VPS50: variants seen among roughly 807,000 people sequenced by gnomAD.
The protein encoded by VPS50 is syndetin.
In VPS50, 70 loss-of-function variants were observed where a neutral mutation model predicts 139.7. The observed-to-expected ratio is 0.50, with a 90% confidence interval of 0.41 to 0.61. The LOEUF (loss-of-function observed/expected upper bound fraction) is 0.61. Among genes scored for constraint, VPS50 ranks in the 20% least tolerant of loss-of-function variants. The probability of loss-of-function intolerance (pLI) is 0.00; values close to 1 mark genes in which losing one functional copy is unlikely to be tolerated. For missense variants in VPS50, 921 were observed against 1,133.7 expected (o/e 0.81, Z 2.69); for synonymous variants, 365 against 376.7 (o/e 0.97, Z 0.36).
rs528830541 is a variant in VPS50 at position 93,264,897 on chromosome 7, G to C, written c.659+5265G>C. On this transcript the variant is annotated intron_variant, in intron 9 of 27. Coordinates refer to ENST00000305866, the MANE Select transcript of VPS50 (RefSeq NM_017667.4). ...TTGTCTAGATCCTGAGTGCTTGTTGGTTGGTCAGCTTGGACCAAGTTTTGA... is the reference window on the plus strand; with the variant it reads ...TTGTCTAGATCCTGAGTGCTTGTTGCTTGGTCAGCTTGGACCAAGTTTTGA... 4.6e-5 allele frequency among the ~76,000 whole-genome samples: 7 copies of C among 152,258 alleles called. No individual in the cohort carries two copies. In the South Asian group the frequency reaches 1.5e-3, roughly 32 times the overall value.
rs921952694 is a variant in VPS50, at chr7:93,305,774, G to C, written c.1453-54G>C. The C allele has an allele frequency of 3.1e-6, 4 of 1,309,082 alleles. No homozygotes were observed. The African/African-American group carries it at 5.9e-5, about 19-fold the overall frequency. 81.1% of individuals were successfully genotyped at this position (1,309,082 alleles called of 1,614,324 possible). ...ATGTATATTGAGGGATTCGGTTTAT[G>C]TACTAGAATTTTATTGTTGCTAAAG... On this transcript the variant is annotated intron_variant, in intron 17 of 27. Coordinates refer to ENST00000305866, the MANE Select transcript of VPS50 (RefSeq NM_017667.4).
chr7:93,312,409 C>T (rs1797295718), intron 20 of VPS50, among the ~76,000 whole-genome samples: 1 of 152,132 alleles, frequency 6.6e-6, no homozygotes, highest in Non-Finnish European at 1.5e-5. Context: ...GTCTCTCATA[C>T]ATGGTAGCTG....
rs1798510030 is a variant in VPS50, at chr7:93,349,918, T to C, written c.2348T>C (p.Ile783Thr). The C allele has an allele frequency of 6.2e-7, 1 of 1,613,616 alleles. No individual in the cohort carries two copies. The highest frequency in any genetic ancestry group is 8.5e-7 in the Non-Finnish European group (1 of 1,179,654). ...GAACTACGGAAACCAATTTACTGGA[T>C]TGTAGCTGGTAAAGCCCTTGATTAT... is the stretch of plus-strand genomic sequence containing the variant. ...ASELRKPIYW[I>T]VAGKALDYEQ... is the part of the protein sequence containing the mutation. The change falls in exon 25 of 28, where the codon ATT (isoleucine) becomes ACT (threonine). Residue 783 changes from isoleucine to threonine, a missense_variant. Around this residue, in one of 3 missense-constraint regions of VPS50, gnomAD observed 744 missense variants for 930.6 expected, o/e 0.80. Coordinates refer to ENST00000305866, the MANE Select transcript of VPS50 (RefSeq NM_017667.4).
In VPS50 at chr7:93,303,469, C is replaced by T. The variant is rs1244755257; in HGVS notation, c.1371C>T (p.Leu457=). 14 of 1,553,736 alleles carry T rather than the reference C, an allele frequency of 9.0e-6. No homozygotes were observed. Among genetic ancestry groups the T allele is most frequent in the Admixed American group, 3.4e-5 (2 of 58,216 alleles). ...NYFKNYHRTR[L]DELRMFLENE... ...ATTTTCTTTTTTTAAGAACACGGCT[C>T]GATGAACTGAGAATGTTCTTAGAGA... Residue 457 remains leucine, a synonymous_variant, in exon 17 of 28, where the codon CTC becomes CTT. Coordinates refer to ENST00000305866, the MANE Select transcript of VPS50 (RefSeq NM_017667.4).
chr7:93,288,284 G>C (rs944345788), intron 12 of VPS50, among the ~76,000 whole-genome samples: 1 of 152,070 alleles, frequency 6.6e-6, no homozygotes, highest in Non-Finnish European at 1.5e-5. Flanking sequence ...TAAGGGTAGC[G>C]ATTATAGAAG....
intron 12 of VPS50, among the ~76,000 whole-genome samples, chr7:93,284,670 C>T (rs1026087348): frequency 2.6e-5 from 4 of 152,178 alleles, no homozygotes; most frequent in African/African-American, 4.8e-5. Context: ...TTGCTAAAAG[C>T]ATATGCATAT....
Position 93,276,298 on chromosome 7 carries a change from T to A in VPS50, c.935T>A (p.Leu312His). 1 of 1,612,654 alleles carries A rather than the reference T, an allele frequency of 6.2e-7. No homozygotes were observed. The highest frequency in any genetic ancestry group is 8.5e-7 in the Non-Finnish European group (1 of 1,178,880). The change falls in exon 12 of 28, where the codon CTC (leucine) becomes CAC (histidine). Residue 312 changes from leucine (L) to histidine (H), a missense_variant. By Grantham distance (99) the Leu-to-His change is moderately conservative. Coordinates refer to ENST00000305866, the MANE Select transcript of VPS50 (RefSeq NM_017667.4). ...TTCCAAAAGCTGCAATATAAGGATC[T>A]CTGTACAGTATGTAGTGACTTAATT... The part of the protein sequence containing the change: ...TKFQKLQYKD[L>H]CTHVTPDSYI...
chr7:93,341,587 A>G lies in VPS50; in HGVS notation c.2207+12A>G, dbSNP rs1302811911. ...GCCACGGAATCCTTGTAAGTTGTTC[A>G]AAACAGTTGCGTTGCCATTAAATAT... On this transcript the variant is annotated intron_variant, in intron 23 of 27. Coordinates refer to ENST00000305866, the MANE Select transcript of VPS50 (RefSeq NM_017667.4). 1 of 1,573,528 alleles carries G rather than the reference A, an allele frequency of 6.4e-7. No homozygotes were observed. Among genetic ancestry groups the G allele is most frequent in the East Asian group, 2.3e-5 (1 of 44,274 alleles).
rs1240260586 is a variant in VPS50 at position 93,271,278 on chromosome 7, T to G, written c.702+16T>G. 1.3e-6 allele frequency: 2 copies of G among 1,537,216 alleles called. No individual in the cohort carries two copies. The highest frequency in any genetic ancestry group is 2.9e-5 in the African/African-American group (2 of 69,660). ...ACAGATTGAGGTAAGAAGTATTATATCCTAACCTTAATGAGTTTTTCTTTT... is the reference window on the plus strand; with the variant it reads ...ACAGATTGAGGTAAGAAGTATTATAGCCTAACCTTAATGAGTTTTTCTTTT... On this transcript the variant is annotated intron_variant, in intron 10 of 27. Coordinates refer to ENST00000305866, the MANE Select transcript of VPS50 (RefSeq NM_017667.4).
intron 25 of VPS50, among the ~76,000 whole-genome samples, chr7:93,351,274 TGGTTTCTAGAGCACCCA>T (rs1423150401): frequency 6.6e-6 from 1 of 152,180 alleles, no homozygotes; most frequent in Non-Finnish European, 1.5e-5. Context: ...AGAAATAACT[TGGTTTCTAGAGCACCCA>T]GGAGATTTCA....
intron 12 of VPS50, among the ~76,000 whole-genome samples, chr7:93,282,155 G>A (rs947728731): frequency 2.0e-5 from 3 of 151,434 alleles, no homozygotes; most frequent in Non-Finnish European, 2.9e-5. Context: ...CGTGAGCTGA[G>A]ATTGCGCCAC....
At chr7:93,294,770 G>T (rs1253646867) in intron 14 of VPS50, 134 bp downstream of exon 14, 4 of 679,516 alleles carry the variant, frequency 5.9e-6, no homozygotes, top group Non-Finnish European at 9.2e-6. Flanking sequence ...TTGGAATTAG[G>T]CTATCATTTA....
intron 25 of VPS50, 96 bp downstream of exon 25, chr7:93,350,129 T>C: frequency 1.3e-6 from 1 of 762,166 alleles, no homozygotes. Context: ...TTATAGTTAT[T>C]ACCACATTTC....
At chr7:93,256,477 T>C (rs1365166577) in intron 4 of VPS50, 32 bp from the exon 5 acceptor site, 2 of 1,079,776 alleles carry the variant, frequency 1.9e-6, no homozygotes, top group East Asian at 2.8e-5. Context: ...TTTGTTCTTT[T>C]ATTTCCTTTG....
rs77206719 is a variant in VPS50, at chr7:93,358,761, G to A, written c.*325G>A. 2,794 of 178,990 alleles carry A rather than the reference G, an allele frequency of 0.016. 93 individuals are homozygous for A. Among genetic ancestry groups the A allele is most frequent in the African/African-American group, 0.062 (2,655 of 42,514 alleles). The allele number at this position is 178,990 out of a possible 1,614,324, so 11.1% of individuals were successfully genotyped here. On this transcript the variant is annotated 3_prime_UTR_variant, in exon 28 of 28. Transcript: ENST00000305866. ...TTAGAAGAACAGTGGCTTAATATAT[G>A]TATGGGAAGTTTATGGAAAATGAAG...
intron 14 of VPS50, among the ~76,000 whole-genome samples, chr7:93,296,205 G>A (rs1185054170): frequency 2.0e-5 from 3 of 151,778 alleles, no homozygotes; most frequent in African/African-American, 7.3e-5. Context: ...TATTTTTGTG[G>A]TTGTAAGAGG....
chr7:93,280,165 C>A (rs1181527792), intron 12 of VPS50, among the ~76,000 whole-genome samples: 3 of 152,006 alleles, frequency 2.0e-5, no homozygotes, highest in Admixed American at 2.0e-4. Context: ...TGGTTTTGAG[C>A]TTTTTGAAAT....
chr7:93,278,366 G>A (rs1192413108), intron 12 of VPS50, among the ~76,000 whole-genome samples: 4 of 151,838 alleles, frequency 2.6e-5, no homozygotes, highest in African/African-American at 9.7e-5. Flanking sequence ...CACTTTGGGA[G>A]GCCAAGGAGG....
intron 8 of VPS50, 97 bp from the exon 9 acceptor site, chr7:93,259,453 T>G (rs1283332779): frequency 3.3e-6 from 2 of 600,884 alleles, no homozygotes; most frequent in Non-Finnish European, 6.0e-6. Context: ...TTTGATTCTG[T>G]AACTTTTGGT....
Sources: gnomAD v4.1 joint callset for allele counts (sites outside exome capture counted in the v4.1 genomes callset) on GRCh38, gnomAD v4.1.1 for gene constraint, gnomAD v4.1.1 regional missense constraint, MANE v1.5 for transcripts, NCBI Gene and HGNC (gene_info 2026-07-23, HGNC 2026-07-21) for gene names.